The following SIMC1 variants were observed in gnomAD, a reference collection of about 807,000 sequenced individuals.
The protein encoded by SIMC1 is SUMO-interacting motif-containing protein 1.
In SIMC1, 55 loss-of-function variants were observed where a neutral mutation model predicts 82.3. That is an observed-to-expected ratio of 0.67 (90% CI 0.54 to 0.84). The LOEUF (loss-of-function observed/expected upper bound fraction) is 0.84. SIMC1 is among the 40% of genes least tolerant of loss of function. The pLI is 0.00. For synonymous variants in SIMC1, 353 were observed against 426.3 expected (o/e 0.83, Z 2.12); for missense variants, 915 against 1,107.2 (o/e 0.83, Z 2.46).
chr5:176,308,518 T>A (rs1453805419), intron 4 of SIMC1: 2 of 1,606,094 alleles, frequency 1.2e-6, no homozygotes, highest in Non-Finnish European at 1.7e-6. Context: ...TTTGTAGGAC[T>A]TATTTTTTCC....
chr5:176,296,556 C>T, intron 4 of SIMC1: 1 of 516,108 alleles, frequency 1.9e-6, no homozygotes, highest in Non-Finnish European at 3.5e-6. Flanking sequence ...GTGGTCCCAG[C>T]TACACAGAAG....
At chr5:176,265,672 G>A (rs1464941298) in intron 1 of SIMC1, among the ~76,000 whole-genome samples, 11 of 151,934 alleles carry the variant, frequency 7.2e-5, no homozygotes, top group Admixed American at 7.2e-4. Context: ...AGTAATCTGT[G>A]TTTCTCCTCC....
At chr5:176,280,397 A>C (rs973775076) in intron 1 of SIMC1, among the ~76,000 whole-genome samples, 2 of 151,986 alleles carry the variant, frequency 1.3e-5, no homozygotes, top group African/African-American at 4.8e-5. Context: ...CCAATTTGCC[A>C]GTCTGTGTCT....
At chr5:176,264,261 A>G (rs1401111403) in intron 1 of SIMC1, among the ~76,000 whole-genome samples, 1 of 152,254 alleles carries the variant, frequency 6.6e-6, no homozygotes, top group Non-Finnish European at 1.5e-5. Flanking sequence ...ACTAAGGAGT[A>G]GCCCAGTAGG....
intron 1 of SIMC1, among the ~76,000 whole-genome samples, chr5:176,264,083 G>T (rs2113154291): frequency 6.6e-6 from 1 of 152,366 alleles, no homozygotes; most frequent in East Asian, 1.9e-4. Flanking sequence ...CTGGTGCAAG[G>T]GGTGGGCTCC....
chr5:176,265,578 A>G (rs1242147523), intron 1 of SIMC1, among the ~76,000 whole-genome samples: 1 of 152,026 alleles, frequency 6.6e-6, no homozygotes, highest in Non-Finnish European at 1.5e-5. Flanking sequence ...TCACCTCACA[A>G]TGTCTGAAAA....
intron 7 of SIMC1, among the ~76,000 whole-genome samples, chr5:176,334,678 G>A (rs951869075): frequency 6.6e-6 from 1 of 152,144 alleles, no homozygotes; most frequent in Non-Finnish European, 1.5e-5. Flanking sequence ...TGTTTTGTCT[G>A]CCCAAGAAGC....
intron 1 of SIMC1, among the ~76,000 whole-genome samples, chr5:176,289,237 A>T (rs1484476139): frequency 6.6e-6 from 1 of 152,212 alleles, no homozygotes; most frequent in African/African-American, 2.4e-5. Context: ...AAAATTAAAG[A>T]TATGTGAAAA....
In SIMC1 at chr5:176,290,948, C is replaced by T. The variant is rs111647964; in HGVS notation, c.1424C>T (p.Thr475Ile). ...CAGACGCTAATACCGGATAAAGACACAAGAGAGGTGAGCTAACATCTTCCC... is the reference window on the plus strand; with the variant it reads ...CAGACGCTAATACCGGATAAAGACATAAGAGAGGTGAGCTAACATCTTCCC... ...FFQTLIPDKD[T>I]RENKGQKLEP... Residue 475 changes from threonine to isoleucine, a missense_variant, in exon 2 of 10, where the codon ACA becomes ATA. This residue lies in a region of SIMC1 where 902 missense variants were observed against 1,040.3 expected (regional missense o/e 0.87). Coordinates refer to ENST00000429602, the MANE Select transcript of SIMC1 (RefSeq NM_001308195.2). The T allele has an allele frequency of 1.3e-6, 2 of 1,580,728 alleles. No individual in the cohort carries two copies. Among genetic ancestry groups the T allele is most frequent in the South Asian group, 1.2e-5 (1 of 85,320 alleles).
intron 1 of SIMC1, among the ~76,000 whole-genome samples, chr5:176,252,588 C>T (rs539350401): frequency 3.0e-4 from 45 of 150,990 alleles, no homozygotes; most frequent in African/African-American, 9.2e-4. Context: ...GGATGGCAGC[C>T]GGGAAGAGGC....
intron 4 of SIMC1, chr5:176,308,445 A>G: frequency 1.2e-6 from 2 of 1,608,106 alleles, no homozygotes; most frequent in Non-Finnish European, 1.7e-6. Context: ...TCCTCATATA[A>G]CTGTTTGGCC....
At chr5:176,327,292 C>G (rs1305807976) in intron 7 of SIMC1, among the ~76,000 whole-genome samples, 1 of 152,132 alleles carries the variant, frequency 6.6e-6, no homozygotes, top group South Asian at 2.1e-4. Context: ...TGGCCTTTAC[C>G]TTGATTTATT....
At chr5:176,330,917 A>G (rs1765627641) in intron 7 of SIMC1, among the ~76,000 whole-genome samples, 1 of 152,208 alleles carries the variant, frequency 6.6e-6, no homozygotes, top group South Asian at 2.1e-4. Flanking sequence ...TACCATAGTC[A>G]AGTGATCAAA....
chr5:176,245,549 C>T (rs1338744812), intron 1 of SIMC1, among the ~76,000 whole-genome samples: 2 of 152,236 alleles, frequency 1.3e-5, no homozygotes, highest in South Asian at 2.1e-4. Flanking sequence ...TTTCAACTTT[C>T]GATTTTGTTT....
At chr5:176,273,766 G>C (rs1203630030) in intron 1 of SIMC1, among the ~76,000 whole-genome samples, 2 of 151,904 alleles carry the variant, frequency 1.3e-5, no homozygotes, top group African/African-American at 4.8e-5. Flanking sequence ...TTGGTTTTTT[G>C]TTCTTGCGAT....
At chr5:176,324,594 C>A in intron 6 of SIMC1, 35 bp from the exon 7 acceptor site, 1 of 1,603,778 alleles carries the variant, frequency 6.2e-7, no homozygotes, top group East Asian at 2.2e-5. Flanking sequence ...TTGCCAGACC[C>A]TCACACTCAT....
At chr5:176,253,071 T>C (rs1229125043) in intron 1 of SIMC1, among the ~76,000 whole-genome samples, 1 of 152,272 alleles carries the variant, frequency 6.6e-6, no homozygotes, top group East Asian at 1.9e-4. Context: ...GAGGTTGCAG[T>C]GAGCCGAGAT....
chr5:176,256,616 A>C (rs1761858185), intron 1 of SIMC1, among the ~76,000 whole-genome samples: 1 of 152,226 alleles, frequency 6.6e-6, no homozygotes, highest in African/African-American at 2.4e-5. Context: ...CTACCACATG[A>C]AATGCACACA....
intron 4 of SIMC1, among the ~76,000 whole-genome samples, chr5:176,305,157 C>T (rs1265718286): frequency 1.0e-5 from 1 of 99,096 alleles, no homozygotes; most frequent in Admixed American, 9.6e-5. Context: ...GTCAGCCCCC[C>T]GCCTGGCCAG....
Sources: gnomAD v4.1 joint callset for allele counts (sites outside exome capture counted in the v4.1 genomes callset) on GRCh38, gnomAD v4.1.1 for gene constraint, gnomAD v4.1.1 regional missense constraint, MANE v1.5 for transcripts, NCBI Gene and HGNC (gene_info 2026-07-23, HGNC 2026-07-21) for gene names.